The following QTMAN variants were observed in gnomAD, a reference collection of about 807,000 sequenced individuals.
QTMAN encodes the protein tRNA-queuosine alpha-mannosyltransferase.
chr2:144,110,679 A>ACCC, the QTMAN span, among the ~76,000 whole-genome samples: 2 of 114,266 alleles, frequency 1.8e-5, no homozygotes, highest in Admixed American at 8.9e-5. Flanking sequence ...AGAAAAATCG[A>ACCC]CCCCCCCCCA....
chr2:144,123,086 T>A, the QTMAN span, among the ~76,000 whole-genome samples: 5 of 152,164 alleles, frequency 3.3e-5, no homozygotes, highest in African/African-American at 1.2e-4. Context: ...TACTTATCAA[T>A]TACTTTTTAA....
chr2:144,022,560 C>CTTTTTTTTTTTTTTTTTTTTT, the QTMAN span, among the ~76,000 whole-genome samples: 5 of 104,256 alleles, frequency 4.8e-5, no homozygotes, highest in Admixed American at 2.1e-4. Context: ...CTCTCTCTCT[C>CTTTTTTTTTTTTTTTTTTTTT]TTTTTTTTTT....
the QTMAN span, among the ~76,000 whole-genome samples, chr2:144,220,059 C>T: frequency 6.6e-6 from 1 of 152,042 alleles, no homozygotes; most frequent in Non-Finnish European, 1.5e-5. Context: ...AAAGGCAACA[C>T]CAGAAAAACT....
At chr2:144,085,881 T>C in the QTMAN span, among the ~76,000 whole-genome samples, 1 of 152,190 alleles carries the variant, frequency 6.6e-6, no homozygotes, top group Non-Finnish European at 1.5e-5. Flanking sequence ...ATGTATTAGA[T>C]AAAAGGACCT....
the QTMAN span, among the ~76,000 whole-genome samples, chr2:143,959,146 T>C: frequency 6.6e-6 from 1 of 152,096 alleles, no homozygotes; most frequent in African/African-American, 2.4e-5. Context: ...CTAGAATCAA[T>C]GTAACTTTTA....
At chr2:144,230,517 G>C in the QTMAN span, among the ~76,000 whole-genome samples, 1 of 151,996 alleles carries the variant, frequency 6.6e-6, no homozygotes. Context: ...TTTCAGCAGG[G>C]CTATGTGTGG....
the QTMAN span, among the ~76,000 whole-genome samples, chr2:144,068,550 A>G: frequency 6.6e-6 from 1 of 152,242 alleles, no homozygotes; most frequent in Non-Finnish European, 1.5e-5. Context: ...TAGTCCAATT[A>G]ATATGCAAAT....
At chr2:143,947,121 C>A in the QTMAN span, 1,578 of 1,613,314 alleles carry the variant, frequency 9.8e-4, 19 homozygotes, top group African/African-American at 0.019. Context: ...CCCAAGAAAA[C>A]GGAGCGATTT....
At chr2:144,323,479 C>T in the QTMAN span, among the ~76,000 whole-genome samples, 2 of 152,122 alleles carry the variant, frequency 1.3e-5, no homozygotes, top group Non-Finnish European at 2.9e-5. Flanking sequence ...TTCTAGAATG[C>T]TTAGTTTCAT....
At chr2:144,289,525 G>A in the QTMAN span, among the ~76,000 whole-genome samples, 10 of 152,276 alleles carry the variant, frequency 6.6e-5, no homozygotes, top group East Asian at 1.7e-3. Flanking sequence ...AATTAAAATG[G>A]TACACTAGAA....
At chr2:143,956,342 T>G in the QTMAN span, among the ~76,000 whole-genome samples, 1 of 151,812 alleles carries the variant, frequency 6.6e-6, no homozygotes, top group South Asian at 2.1e-4. Flanking sequence ...TTTGACTCAA[T>G]GATGCATGCT....
the QTMAN span, among the ~76,000 whole-genome samples, chr2:144,303,213 G>A: frequency 1.3e-5 from 2 of 152,276 alleles, no homozygotes; most frequent in Middle Eastern, 3.4e-3. Flanking sequence ...CAAAGGAAAC[G>A]GTATTACCAA....
chr2:144,040,442 CTGTT>C, the QTMAN span, among the ~76,000 whole-genome samples: 1 of 152,026 alleles, frequency 6.6e-6, no homozygotes, highest in African/African-American at 2.4e-5. Context: ...TTGTTTTTCT[CTGTT>C]TGCCCTACTT....
At chr2:144,050,887 G>A in the QTMAN span, among the ~76,000 whole-genome samples, 13 of 152,084 alleles carry the variant, frequency 8.5e-5, no homozygotes, top group East Asian at 3.9e-4. Flanking sequence ...CAGTACAGAC[G>A]CACTTTTTTA....
At chr2:143,993,394 A>G in the QTMAN span, among the ~76,000 whole-genome samples, 1 of 151,430 alleles carries the variant, frequency 6.6e-6, no homozygotes, top group Non-Finnish European at 1.5e-5. Flanking sequence ...GTTACCTATT[A>G]CATGGCAAGC....
chr2:143,963,900 G>C, the QTMAN span: 2 of 151,856 alleles, frequency 1.3e-5, no homozygotes, highest in Non-Finnish European at 2.9e-5. Flanking sequence ...TCATATTCTC[G>C]GGAAAGTAAC....
the QTMAN span, among the ~76,000 whole-genome samples, chr2:144,174,167 C>T: frequency 2.6e-5 from 4 of 152,148 alleles, no homozygotes; most frequent in Non-Finnish European, 5.9e-5. Flanking sequence ...CAGGTGAAAC[C>T]CTCTACAGAC....
chr2:144,294,944 A>G, the QTMAN span, among the ~76,000 whole-genome samples: 1 of 152,342 alleles, frequency 6.6e-6, no homozygotes, highest in African/African-American at 2.4e-5. Flanking sequence ...ACCAAATGGG[A>G]AAAATGAACT....
At chr2:144,072,320 T>C in the QTMAN span, among the ~76,000 whole-genome samples, 1 of 152,186 alleles carries the variant, frequency 6.6e-6, no homozygotes, top group African/African-American at 2.4e-5. Context: ...CAAATCCCAG[T>C]GTAAAGGAGT....
Sources: allele counts gnomAD v4.1 joint callset (sites outside exome capture counted in the v4.1 genomes callset), GRCh38; gene constraint gnomAD v4.1.1; transcripts MANE v1.5; gene names NCBI Gene and HGNC (gene_info 2026-07-23, HGNC 2026-07-21).